PCDHA5: variants seen among roughly 807,000 people sequenced by gnomAD.
The protein encoded by PCDHA5 is protocadherin alpha 5.
A neutral mutation model predicts 61.6 loss-of-function variants in PCDHA5; 43 were observed. The observed-to-expected ratio is 0.70, with a 90% CI of 0.55 to 0.90. The LOEUF is 0.90. PCDHA5 is among the 40% of genes least tolerant of loss of function. The probability of loss-of-function intolerance (pLI) is 0.00; values close to 1 mark genes in which losing one functional copy is unlikely to be tolerated. For synonymous variants in PCDHA5, 627 were observed against 543.9 expected (o/e 1.15, Z -2.13); for missense variants, 1,298 against 1,222.7 (o/e 1.06, Z -0.92).
intron 1 of PCDHA5, chr5:140,875,484 C>A: frequency 6.2e-7 from 1 of 1,611,246 alleles, no homozygotes. Context: ...TGGTGATTAT[C>A]GGACCAAGAG....
At position 140,824,143 on chromosome 5, in the gene PCDHA5, T is replaced by C. The variant is rs2150132574; in HGVS notation, c.2352+16T>C. 3.1e-6 allele frequency: 5 copies of C among 1,612,198 alleles called. No individual in the cohort carries two copies. The highest frequency in any genetic ancestry group is 1.7e-6 in the Non-Finnish European group (2 of 1,178,354). ...TACAGACAACGTGAGTTTTCTAATA[T>C]TAACATCCATCTTTCCCTCCCAATT... is the stretch of plus-strand genomic sequence containing the variant. On this transcript the variant is annotated intron_variant, in intron 1 of 3. Transcript: ENST00000529859.
chr5:140,836,649 C>T (rs2150266865), intron 1 of PCDHA5: 10 of 1,613,466 alleles, frequency 6.2e-6, no homozygotes, highest in Non-Finnish European at 8.5e-6. Flanking sequence ...GCAGAGGCGG[C>T]AGAGGGTGTG....
chr5:140,921,942 C>G (rs1025333030), intron 1 of PCDHA5, among the ~76,000 whole-genome samples: 3 of 151,730 alleles, frequency 2.0e-5, no homozygotes, highest in Non-Finnish European at 4.4e-5. Context: ...TAATTTTACA[C>G]TTGTAAAATC....
In PCDHA5 at chr5:140,982,560, C is replaced by G. The variant is rs782437404; in HGVS notation, c.2497C>G (p.Pro833Ala). The G allele has an allele frequency of 5.6e-6, 9 of 1,614,098 alleles. No homozygotes were observed. Among genetic ancestry groups the G allele is most frequent in the South Asian group, 4.4e-5 (4 of 91,078 alleles). ...QQWPTVSSAT[P>A]EPEAGEVSPP... ...GTGGCCAACAGTATCCAGTGCAACA[C>G]CAGGTAAAGAGCTGGGGTCTCTCCA... Residue 833 changes from proline to alanine, a missense_variant, in exon 3 of 4, where the codon CCA (proline) becomes GCA (alanine). Physicochemically the swap from Pro to Ala is conservative, Grantham distance 27. Coordinates refer to ENST00000529859, the MANE Select transcript of PCDHA5 (RefSeq NM_018908.3).
At chr5:140,883,763 G>T (rs782611304) in intron 1 of PCDHA5, 4 of 1,612,740 alleles carry the variant, frequency 2.5e-6, no homozygotes, top group Non-Finnish European at 3.4e-6. Flanking sequence ...GGAGCGGCGG[G>T]TGGGCGAGCG....
chr5:140,854,688 G>A (rs1468709591), intron 1 of PCDHA5: 2 of 149,770 alleles, frequency 1.3e-5, no homozygotes, highest in Non-Finnish European at 3.0e-5. Context: ...TATGTCTGTT[G>A]TTAAGTTTTC....
intron 1 of PCDHA5, among the ~76,000 whole-genome samples, chr5:140,945,224 T>G (rs1563213002): frequency 6.6e-6 from 1 of 152,016 alleles, no homozygotes; most frequent in Admixed American, 6.6e-5. Flanking sequence ...ATAAAAATAC[T>G]TAGGAATAAA....
chr5:140,988,557 T>G (rs1236263807), intron 3 of PCDHA5, among the ~76,000 whole-genome samples: 3 of 152,190 alleles, frequency 2.0e-5, no homozygotes, highest in African/African-American at 7.2e-5. Context: ...CTTCATCTTC[T>G]TCTTGGGAAA....
At chr5:140,863,623 T>C (rs782448471) in intron 1 of PCDHA5, 49 of 322,260 alleles carry the variant, frequency 1.5e-4, no homozygotes, top group Non-Finnish European at 1.9e-4. Context: ...CATAGTGACA[T>C]TGATAATGTT....
At chr5:140,967,291 C>T (rs782682819) in intron 1 of PCDHA5, 11 of 1,612,754 alleles carry the variant, frequency 6.8e-6, no homozygotes, top group South Asian at 1.1e-5. Context: ...CGCAGGACCC[C>T]GACGTGGGCG....
At chr5:140,970,802 AC>A (rs1407360459) in intron 1 of PCDHA5, among the ~76,000 whole-genome samples, 1 of 152,216 alleles carries the variant, frequency 6.6e-6, no homozygotes, top group Non-Finnish European at 1.5e-5. Flanking sequence ...CCATATTGTT[AC>A]ATTTCAAGTT....
chr5:140,969,047 A>C, intron 1 of PCDHA5: 1 of 1,614,152 alleles, frequency 6.2e-7, no homozygotes, highest in Non-Finnish European at 8.5e-7. Flanking sequence ...CAAACAAGCC[A>C]ACAACAATAT....
chr5:140,841,207 T>C (rs1217897832), intron 1 of PCDHA5: 1 of 1,357,074 alleles, frequency 7.4e-7, no homozygotes, highest in African/African-American at 1.5e-5. Context: ...ACAGCATCTG[T>C]CTCTAAAGGC....
intron 1 of PCDHA5, among the ~76,000 whole-genome samples, chr5:140,908,919 G>T (rs781892541): frequency 1.3e-5 from 2 of 152,158 alleles, no homozygotes; most frequent in Non-Finnish European, 2.9e-5. Context: ...TGTAGGAGGG[G>T]CCAAATGCAG....
At chr5:140,881,719 C>A (rs914788204) in intron 1 of PCDHA5, among the ~76,000 whole-genome samples, 3 of 152,104 alleles carry the variant, frequency 2.0e-5, no homozygotes, top group African/African-American at 7.2e-5. Context: ...GTGAGGAGGT[C>A]TTGAAAAATA....
At position 140,823,220 on chromosome 5, in the gene PCDHA5, A is replaced by T; in HGVS notation, c.1445A>T (p.Asp482Val). The T allele has an allele frequency of 6.2e-7, 1 of 1,613,736 alleles. No individual in the cohort carries two copies. Residue 482 changes from aspartate (D) to valine (V), a missense_variant, in exon 1 of 4, where the codon GAC becomes GTC. By Grantham distance (152) the Asp-to-Val change is radical (BLOSUM62 -3). Transcript: ENST00000529859. ...HIFTVSARDADAQENALVSYS... is the reference protein window; with the variant it reads ...HIFTVSARDAVAQENALVSYS... ...TTCACGGTGTCTGCACGGGACGCGG[A>T]CGCGCAGGAGAACGCCCTGGTGTCC...
At chr5:140,842,951 C>T in intron 1 of PCDHA5, 2 of 1,594,846 alleles carry the variant, frequency 1.3e-6, no homozygotes, top group Non-Finnish European at 1.7e-6. Context: ...GGGCGTGCCG[C>T]CTCTGGGCAG....
chr5:140,902,767 G>A (rs1038910114), intron 1 of PCDHA5, among the ~76,000 whole-genome samples: 2 of 145,672 alleles, frequency 1.4e-5, no homozygotes, highest in African/African-American at 5.0e-5. Flanking sequence ...TTATGTCTTT[G>A]CATTCTCATA....
intron 1 of PCDHA5, among the ~76,000 whole-genome samples, chr5:140,844,624 A>G (rs1293220990): frequency 6.7e-6 from 1 of 149,582 alleles, no homozygotes; most frequent in Non-Finnish European, 1.5e-5. Context: ...TTTCATCAGA[A>G]AAACTATACA....
Sources: allele counts gnomAD v4.1 joint callset (sites outside exome capture counted in the v4.1 genomes callset), GRCh38; gene constraint gnomAD v4.1.1; transcripts MANE v1.5; gene names NCBI Gene and HGNC (gene_info 2026-07-23, HGNC 2026-07-21).